The following PHF19 variants were observed in gnomAD, a reference collection of about 807,000 sequenced individuals.
The protein encoded by PHF19 is polycomb like 3.
In PHF19, 21 loss-of-function variants were observed where a neutral mutation model predicts 79.8. That is an observed-to-expected ratio of 0.26 (90% CI 0.19 to 0.38). The LOEUF (loss-of-function observed/expected upper bound fraction) is 0.38. Among genes scored for constraint, PHF19 ranks in the 10% least tolerant of loss-of-function variants. The pLI is 1.00. For missense variants in PHF19, 445 were observed against 744.2 expected (o/e 0.60, Z 4.68); for synonymous variants, 273 against 296.3 (o/e 0.92, Z 0.81).
rs1453605925 is a variant in PHF19, at chr9:120,870,017, CAGGGCTGGG to C, written c.365-81_365-73del. The C allele has an allele frequency of 2.6e-6, 4 of 1,527,164 alleles. No individual in the cohort carries two copies. In the African/African-American group the frequency reaches 5.5e-5, roughly 21 times the overall value. The allele number at this position is 1,527,164 out of a possible 1,614,324, so 94.6% of individuals were successfully genotyped here. ...CCAAGGCCAGTTGGCCCAAAGGAGG[CAGGGCTGGG>C]AGGGCTGAGGGAAGTCCTAGGAGCT... On this transcript the variant is annotated intron_variant, in intron 4 of 14. Transcript: ENST00000373896. The surrounding 1 kb of genome is among the most constrained non-coding windows in gnomAD (Gnocchi z 4.4).
chr9:120,882,670 C>A (rs902991964), intron 1 of PHF19, among the ~76,000 whole-genome samples: 3 of 151,906 alleles, frequency 2.0e-5, no homozygotes, highest in African/African-American at 7.3e-5. Flanking sequence ...GATGAAACCC[C>A]ATCTTTACTA....
At position 120,874,422 on chromosome 9, in the gene PHF19, C is replaced by G; in HGVS notation, c.186+134G>C. The G allele has an allele frequency of 1.6e-6, 1 of 639,946 alleles. No homozygotes were observed. 39.6% of individuals were successfully genotyped at this position (639,946 alleles called of 1,614,324 possible). A position where few individuals can be genotyped will look rare whatever the true frequency, so the allele number is the denominator to read the frequency against. Reference sequence around the variant, plus strand: ...CAAGACCAGGCTCTGGCCCCTCCCACCACCAGCTTTGGGCATGAGGGACAA... The same window carrying G: ...CAAGACCAGGCTCTGGCCCCTCCCAGCACCAGCTTTGGGCATGAGGGACAA... On this transcript the variant is annotated intron_variant, in intron 2 of 14. Transcript: ENST00000373896. The surrounding 1 kb of genome is among the most constrained non-coding windows in gnomAD (Gnocchi z 4.5).
At chr9:120,881,149 G>GTTTT (rs1182115413), upstream of PHF19, among the ~76,000 whole-genome samples, 2 of 133,666 alleles carry the variant, frequency 1.5e-5, no homozygotes, top group African/African-American at 2.8e-5. Flanking sequence ...TCGGGGGTTT[G>GTTTT]TTTTTTTTTT....
chr9:120,904,012 G>A, the PHF19 span: 1 of 152,282 alleles, frequency 6.6e-6, no homozygotes, highest in Non-Finnish European at 1.5e-5. Context: ...ATTGCTCAGT[G>A]GCTTGGAGGT....
chr9:120,889,212 G>A (rs1229921784), intron 1 of PHF19, among the ~76,000 whole-genome samples: 1 of 152,146 alleles, frequency 6.6e-6, no homozygotes, highest in African/African-American at 2.4e-5. Context: ...CGGATCACGA[G>A]GTCAGGAGTT....
Position 120,861,293 on chromosome 9 carries a change from C to A in PHF19, c.1219-119G>T, listed in dbSNP as rs76103134. The A allele has an allele frequency of 3.2e-3, 2,390 of 743,454 alleles. 35 individuals carry two copies. The African/African-American group carries it at 0.037, about 11-fold the overall frequency. The allele number at this position is 743,454 out of a possible 1,614,324, so 46.1% of individuals were successfully genotyped here. A position where few individuals can be genotyped will look rare whatever the true frequency, so the allele number is the denominator to read the frequency against. ...GGGCTGGGCCCTCCCTAGGGTAAGA[C>A]CATCACCTTTATTCCAAGTCCTGAC... is the stretch of plus-strand genomic sequence containing the variant. On this transcript the variant is annotated intron_variant, in intron 12 of 14. Transcript: ENST00000373896.
At chr9:120,876,623 A>C (rs2046066491) in intron 1 of PHF19, among the ~76,000 whole-genome samples, 1 of 152,074 alleles carries the variant, frequency 6.6e-6, no homozygotes, top group South Asian at 2.1e-4. Context: ...AGGATGATTC[A>C]TGCGCCGGGG....
In PHF19 at chr9:120,874,243, G is replaced by A. The variant is rs1000226249; in HGVS notation, c.187-183C>T. ...ACCTGGAGTCGTACAGCCAGGGACC[G>A]ATGGATGGCAACTTGGTCAGAATGT... On this transcript the variant is annotated intron_variant, in intron 2 of 14. Transcript: ENST00000373896. The surrounding 1 kb of genome is among the most constrained non-coding windows in gnomAD (Gnocchi z 4.5). Among the ~76,000 whole-genome samples, 17 of 152,196 alleles carry A rather than the reference G, an allele frequency of 1.1e-4. No homozygotes were observed. Among genetic ancestry groups the A allele is most frequent in the Non-Finnish European group, 2.1e-4 (14 of 68,036 alleles).
chr9:120,868,028 C>T (rs1286201727), intron 6 of PHF19, among the ~76,000 whole-genome samples: 1 of 152,110 alleles, frequency 6.6e-6, no homozygotes, highest in African/African-American at 2.4e-5. Flanking sequence ...CCCCGCCCCC[C>T]GGCCCCCTAC....
rs1386792009 is a variant in PHF19 at position 120,870,670 on chromosome 9, C to T, written c.269-132G>A. 2 of 626,806 alleles carry T rather than the reference C, an allele frequency of 3.2e-6. No homozygotes were observed. The highest frequency in any genetic ancestry group is 5.3e-5 in the Admixed American group (2 of 38,072). The allele number at this position is 626,806 out of a possible 1,614,324, so 38.8% of individuals were successfully genotyped here. A position where few individuals can be genotyped will look rare whatever the true frequency, so the allele number is the denominator to read the frequency against. ...CCCACATGCCACCTCACTGAATCTC[C>T]CCAACCACTCTGAGATGCCTATCAT... On this transcript the variant is annotated intron_variant, in intron 3 of 14. Coordinates refer to ENST00000373896, the MANE Select transcript of PHF19 (RefSeq NM_015651.3). The surrounding 1 kb of genome is among the most constrained non-coding windows in gnomAD (Gnocchi z 4.4).
In PHF19 at chr9:120,874,430, T is replaced by C. The variant is rs912571033; in HGVS notation, c.186+126A>G. 1.5e-6 allele frequency: 1 copy of C among 663,060 alleles called. No homozygotes were observed. The highest frequency in any genetic ancestry group is 2.6e-6 in the Non-Finnish European group (1 of 383,412). 41.1% of individuals were successfully genotyped at this position (663,060 alleles called of 1,614,324 possible). ...GGCTCTGGCCCCTCCCACCACCAGC[T>C]TTGGGCATGAGGGACAAGAAGGGAA... On this transcript the variant is annotated intron_variant, in intron 2 of 14. Transcript: ENST00000373896. The surrounding 1 kb of genome is among the most constrained non-coding windows in gnomAD (Gnocchi z 4.5).
chr9:120,867,091 C>T (rs1457854907), intron 6 of PHF19, 126 bp from the exon 7 acceptor site: 1 of 649,492 alleles, frequency 1.5e-6, no homozygotes, highest in African/African-American at 1.8e-5. Flanking sequence ...AGTTACTGAG[C>T]ACTTAGGCTG....
chr9:120,877,043 G>A (rs2046083402), intron 1 of PHF19, 48 bp downstream of exon 1: 1 of 985,550 alleles, frequency 1.0e-6, no homozygotes, highest in Non-Finnish European at 1.2e-6. Flanking sequence ...GATGAGGGCC[G>A]GGAGGGGAGA....
chr9:120,903,827 A>C, the PHF19 span: 1 of 152,238 alleles, frequency 6.6e-6, no homozygotes, highest in Non-Finnish European at 1.5e-5. Context: ...ACTGGGGCTA[A>C]GAGGGGATGT....
chr9:120,880,740 G>A (rs1444643428), upstream of PHF19, among the ~76,000 whole-genome samples: 4 of 152,018 alleles, frequency 2.6e-5, no homozygotes, highest in Non-Finnish European at 5.9e-5. Flanking sequence ...TGGGAAGATC[G>A]CTTGAGCCCA....
chr9:120,865,068 G>T lies in PHF19; in HGVS notation c.900+642C>A, dbSNP rs1252743696. Among the ~76,000 whole-genome samples the T allele has an allele frequency of 2.0e-5, 3 of 152,108 alleles. No homozygotes were observed. The East Asian group carries it at 5.8e-4, about 29-fold the overall frequency. On this transcript the variant is annotated intron_variant, in intron 9 of 14. Transcript: ENST00000373896. ...ACTGTAAATGAAGATGTTATTACAT[G>T]AAATATTTTGCAAAGCATAAAGGTT...
upstream of PHF19, among the ~76,000 whole-genome samples, chr9:120,897,048 C>T (rs1426727983): frequency 1.3e-5 from 2 of 152,262 alleles, no homozygotes; most frequent in African/African-American, 4.8e-5. Flanking sequence ...GCTGCCACCT[C>T]CTAGCTTGTA....
At chr9:120,863,241 C>G (rs2045589534) in intron 10 of PHF19, among the ~76,000 whole-genome samples, 3 of 149,488 alleles carry the variant, frequency 2.0e-5, no homozygotes, top group Admixed American at 2.0e-4. Flanking sequence ...ATTGGGAGGG[C>G]AGGTGGCCTC....
chr9:120,863,902 C>T, intron 10 of PHF19, 147 bp downstream of exon 10: 1 of 708,182 alleles, frequency 1.4e-6, no homozygotes, highest in Non-Finnish European at 2.4e-6. Context: ...AGGTGGGGTA[C>T]CCCCTGGATC....
Sources: gnomAD v4.1 joint callset for allele counts (sites outside exome capture counted in the v4.1 genomes callset) on GRCh38, gnomAD v4.1.1 for gene constraint, Gnocchi (gnomAD v3.1) non-coding constraint, MANE v1.5 for transcripts, NCBI Gene and HGNC (gene_info 2026-07-23, HGNC 2026-07-21) for gene names.